DOK6: variants seen among roughly 807,000 people sequenced by gnomAD.
DOK6 encodes downstream of tyrosine kinase 6.
A neutral mutation model predicts 44.0 loss-of-function variants in DOK6; 22 were observed. The observed-to-expected ratio is 0.50, with a 90% confidence interval of 0.36 to 0.71. The LOEUF is 0.71. Among genes scored for constraint, DOK6 ranks in the 30% least tolerant of loss-of-function variants. The pLI is 0.00. For missense variants in DOK6, 340 were observed against 416.4 expected, an observed-to-expected ratio of 0.82 and a Z score of 1.60; for synonymous variants, 166 against 145.5, an observed-to-expected ratio of 1.14 and a Z score of -1.01.
At chr18:69,648,121 T>G (rs551854258) in intron 3 of DOK6, among the ~76,000 whole-genome samples, 3 of 152,330 alleles carry the variant, frequency 2.0e-5, no homozygotes, top group Non-Finnish European at 4.4e-5. Context: ...TTTTACTTTT[T>G]GTTTTTTACG....
At chr18:69,831,962 A>G (rs1437653387) in intron 7 of DOK6, among the ~76,000 whole-genome samples, 3 of 150,794 alleles carry the variant, frequency 2.0e-5, no homozygotes, top group Admixed American at 2.0e-4. Context: ...TTTTCTAAAT[A>G]TGAGATCATA....
chr18:69,714,764 G>A (rs1986843807), intron 5 of DOK6, among the ~76,000 whole-genome samples: 1 of 152,074 alleles, frequency 6.6e-6, no homozygotes, highest in Non-Finnish European at 1.5e-5. Context: ...TAAATATTTA[G>A]CAATATTTTC....
intron 2 of DOK6, among the ~76,000 whole-genome samples, chr18:69,576,830 G>A (rs1418795483): frequency 6.6e-6 from 1 of 152,066 alleles, no homozygotes; most frequent in East Asian, 1.9e-4. Context: ...CATAGAATCA[G>A]CTAATAAATT....
intron 2 of DOK6, among the ~76,000 whole-genome samples, chr18:69,595,141 G>T (rs1347384697): frequency 1.3e-5 from 2 of 152,186 alleles, no homozygotes; most frequent in Admixed American, 1.3e-4. Flanking sequence ...TAATGGACTG[G>T]AAAACTTAGT....
At chr18:69,616,291 T>C (rs1984282921) in intron 3 of DOK6, among the ~76,000 whole-genome samples, 1 of 152,254 alleles carries the variant, frequency 6.6e-6, no homozygotes, top group East Asian at 1.9e-4. Flanking sequence ...TCTGCGTCGG[T>C]GTCCGTGTGT....
At chr18:69,474,230 T>C (rs1980199295) in intron 1 of DOK6, among the ~76,000 whole-genome samples, 2 of 152,170 alleles carry the variant, frequency 1.3e-5, no homozygotes, top group Non-Finnish European at 2.9e-5. Flanking sequence ...CTGTCTTCTT[T>C]CCTCTCCTTT....
chr18:69,578,522 C>A (rs79571725), intron 2 of DOK6, among the ~76,000 whole-genome samples: 1 of 152,108 alleles, frequency 6.6e-6, no homozygotes, highest in East Asian at 1.9e-4. Flanking sequence ...AAAGAATGTT[C>A]GGTACTGCAA....
intron 1 of DOK6, among the ~76,000 whole-genome samples, chr18:69,471,366 G>A (rs1318688068): frequency 6.6e-6 from 1 of 151,450 alleles, no homozygotes; most frequent in East Asian, 1.9e-4. Flanking sequence ...AAGTGCTTTC[G>A]GAGGTTAGGG....
intron 5 of DOK6, among the ~76,000 whole-genome samples, chr18:69,718,149 A>T (rs889348836): frequency 6.6e-6 from 1 of 152,172 alleles, no homozygotes; most frequent in Non-Finnish European, 1.5e-5. Flanking sequence ...TCTTAGAGAC[A>T]ATTAAGGGGT....
chr18:69,723,730 T>C (rs1978293840), intron 5 of DOK6, among the ~76,000 whole-genome samples: 1 of 152,226 alleles, frequency 6.6e-6, no homozygotes, highest in Admixed American at 6.5e-5. Flanking sequence ...CCTGACGATG[T>C]TCAAAATGTG....
At chr18:69,589,042 A>G (rs2144615463) in intron 2 of DOK6, among the ~76,000 whole-genome samples, 1 of 152,218 alleles carries the variant, frequency 6.6e-6, no homozygotes, top group East Asian at 1.9e-4. Context: ...CAGGAGGCAA[A>G]TATAAGGAAG....
chr18:69,615,161 G>T (rs1322633766), intron 3 of DOK6, among the ~76,000 whole-genome samples: 1 of 152,088 alleles, frequency 6.6e-6, no homozygotes, highest in Non-Finnish European at 1.5e-5. Flanking sequence ...ATAATAGCTG[G>T]TATGTATCCA....
chr18:69,595,982 A>G (rs1399903349), intron 2 of DOK6, among the ~76,000 whole-genome samples: 2 of 152,126 alleles, frequency 1.3e-5, no homozygotes. Context: ...ACCTGACTTC[A>G]TTTTCAACCG....
chr18:69,649,479 T>C (rs1185011120), intron 3 of DOK6, among the ~76,000 whole-genome samples: 1 of 152,188 alleles, frequency 6.6e-6, no homozygotes, highest in Admixed American at 6.5e-5. Flanking sequence ...GCCAGGGATT[T>C]GCGGCTTCTT....
At position 69,547,987 on chromosome 18, in the gene DOK6, G is replaced by A. The variant is rs1026548652; in HGVS notation, c.67-16500G>A. Among the ~76,000 whole-genome samples, 42 of 146,536 alleles carry A rather than the reference G, an allele frequency of 2.9e-4. 2 individuals carry two copies. The highest frequency in any genetic ancestry group is 1.0e-3 in the African/African-American group (41 of 39,746). On this transcript the variant is annotated intron_variant, in intron 1 of 7. Coordinates refer to ENST00000382713, the MANE Select transcript of DOK6 (RefSeq NM_152721.6). ...ATATGTATTTTTGAGACAGAGTCTC[G>A]CTGTCACCCAGGCTGGAGTGCAGTG... is the stretch of plus-strand genomic sequence containing the variant.
intron 1 of DOK6, among the ~76,000 whole-genome samples, chr18:69,544,945 A>G (rs1982362880): frequency 1.3e-5 from 2 of 151,250 alleles, no homozygotes; most frequent in African/African-American, 4.8e-5. Flanking sequence ...CCTGGCTAAC[A>G]TGGTGAAACC....
chr18:69,400,971 G>C lies in DOK6; in HGVS notation c.-274G>C, dbSNP rs1252800420. 5 of 147,758 alleles carry C rather than the reference G, an allele frequency of 3.4e-5. No individual in the cohort carries two copies. Among genetic ancestry groups the C allele is most frequent in the African/African-American group, 1.2e-4 (5 of 40,830 alleles). 9.2% of individuals were successfully genotyped at this position (147,758 alleles called of 1,614,324 possible). Reference sequence around the variant, plus strand: ...GGGCTCCCGCAGCTGGCGGAGGCGCGGGCCGCGGCGCTGGGCTCGCGGCGG... The same window carrying C: ...GGGCTCCCGCAGCTGGCGGAGGCGCCGGCCGCGGCGCTGGGCTCGCGGCGG... On this transcript the variant is annotated 5_prime_UTR_variant, in exon 1 of 8. Transcript: ENST00000382713.
chr18:69,552,145 T>C (rs571445533), intron 1 of DOK6, among the ~76,000 whole-genome samples: 1 of 152,322 alleles, frequency 6.6e-6, no homozygotes, highest in African/African-American at 2.4e-5. Context: ...ACACTGTTTC[T>C]ACACTTTAGA....
chr18:69,598,329 G>A lies in DOK6; in HGVS notation c.175-1055G>A, dbSNP rs557073003. On this transcript the variant is annotated intron_variant, in intron 2 of 7. Coordinates refer to ENST00000382713, the MANE Select transcript of DOK6 (RefSeq NM_152721.6). Reference sequence around the variant, plus strand: ...ATTGTGTTTATAAAAATATTAATCAGCAAAATAGCCTTGAAAAAGCTAGTT... The same window carrying A: ...ATTGTGTTTATAAAAATATTAATCAACAAAATAGCCTTGAAAAAGCTAGTT... Among the ~76,000 whole-genome samples the A allele has an allele frequency of 1.3e-3, 191 of 151,700 alleles. 2 individuals carry two copies. The highest frequency in any genetic ancestry group is 4.4e-3 in the African/African-American group (181 of 41,436).
Sources: allele counts gnomAD v4.1 joint callset (sites outside exome capture counted in the v4.1 genomes callset), GRCh38; gene constraint gnomAD v4.1.1; transcripts MANE v1.5; gene names NCBI Gene and HGNC (gene_info 2026-07-23, HGNC 2026-07-21).